Variants in CCDC175 observed in about 807,000 individuals in gnomAD.
The protein encoded by CCDC175 is coiled-coil domain containing 175, also known as coiled-coil domain-containing protein 175.
Under a neutral mutation model 114.6 loss-of-function variants are expected in CCDC175, and 100 were observed. The observed-to-expected ratio is 0.87, with a 90% CI of 0.74 to 1.03. The LOEUF (loss-of-function observed/expected upper bound fraction) is 1.03, where lower values mean the gene tolerates loss of function less well. Ranked by LOEUF, CCDC175 falls within the 50% of genes least tolerant of loss-of-function variation. The probability of loss-of-function intolerance (pLI) is 0.00; values close to 1 mark genes in which losing one functional copy is unlikely to be tolerated. For missense variants in CCDC175, 880 were observed against 917.8 expected (o/e 0.96, Z 0.53); for synonymous variants, 306 against 308.7 (o/e 0.99, Z 0.09).
In CCDC175 at chr14:59,553,138, G is replaced by C. The variant is rs538561620; in HGVS notation, c.954-1702C>G. Among the ~76,000 whole-genome samples the C allele has an allele frequency of 4.0e-3, 605 of 152,214 alleles. 2 individuals are homozygous for C. The highest frequency in any genetic ancestry group is 0.014 in the African/African-American group (566 of 41,530). ...ACGCCACAAAGATACTCCTCCAGAA[G>C]AGCAACTCCAAGACACATAATTGTC... On this transcript the variant is annotated intron_variant, in intron 7 of 19. Coordinates refer to ENST00000537690, the MANE Select transcript of CCDC175 (RefSeq NM_001164399.2).
intron 8 of CCDC175, among the ~76,000 whole-genome samples, chr14:59,549,331 T>A (rs1313069268): frequency 6.6e-6 from 1 of 152,074 alleles, no homozygotes; most frequent in Non-Finnish European, 1.5e-5. Context: ...CGAGGCAACA[T>A]AAAGCGACCT....
At chr14:59,523,059 T>TA (rs1391049810) in intron 16 of CCDC175, among the ~76,000 whole-genome samples, 9 of 152,086 alleles carry the variant, frequency 5.9e-5, no homozygotes, top group South Asian at 4.2e-4. Flanking sequence ...ACACTGAATT[T>TA]AAAAAAAACA....
chr14:59,537,017 G>A (rs1306308797), intron 13 of CCDC175, among the ~76,000 whole-genome samples: 8 of 152,054 alleles, frequency 5.3e-5, no homozygotes, highest in Non-Finnish European at 1.0e-4. Flanking sequence ...TCCTGACATC[G>A]TGATCCACCT....
At chr14:59,538,195 T>C in intron 12 of CCDC175, 41 bp from the exon 13 acceptor site, 1 of 1,490,324 alleles carries the variant, frequency 6.7e-7, no homozygotes, top group Non-Finnish European at 8.9e-7. Flanking sequence ...TCTCTTGTAG[T>C]GATCAGCCTT....
intron 14 of CCDC175, 68 bp downstream of exon 14, chr14:59,531,704 T>C (rs1894083730): frequency 2.1e-5 from 24 of 1,141,080 alleles, no homozygotes; most frequent in South Asian, 1.1e-4. Context: ...ATGACCTCCT[T>C]GTGTTAGAAG....
In CCDC175 at chr14:59,525,310, A is replaced by G. The variant is rs1893678003; in HGVS notation, c.1967T>C (p.Leu656Pro). ...FYINDQKADL[L>P]LLENKKLKEY... ...TTTTAATTTTTTATTTTCCAGGAGC[A>G]GAAGATCTGCTTTTTGGTCATTTAT... is the stretch of plus-strand genomic sequence containing the variant. The change falls in exon 16 of 20, where the codon CTG becomes CCG. Residue 656 changes from leucine (L) to proline (P), a missense_variant. Physicochemically the swap from Leu to Pro is moderately conservative, Grantham distance 98. Coordinates refer to ENST00000537690, the MANE Select transcript of CCDC175 (RefSeq NM_001164399.2). 1 of 1,461,104 alleles carries G rather than the reference A, an allele frequency of 6.8e-7. No individual in the cohort carries two copies. Among genetic ancestry groups the G allele is most frequent in the African/African-American group, 1.5e-5 (1 of 68,232 alleles). 90.5% of individuals were successfully genotyped at this position (1,461,104 alleles called of 1,614,324 possible). A position where few individuals can be genotyped will look rare whatever the true frequency, so the allele number is the denominator to read the frequency against.
At chr14:59,552,679 G>A (rs1895600535) in intron 7 of CCDC175, among the ~76,000 whole-genome samples, 1 of 152,172 alleles carries the variant, frequency 6.6e-6, no homozygotes, top group African/African-American at 2.4e-5. Flanking sequence ...AGCTAAAGGA[G>A]GAAATTCGAA....
At chr14:59,540,945 C>A (rs139174449) in intron 10 of CCDC175, among the ~76,000 whole-genome samples, 199 bp from the exon 11 acceptor site, 2 of 152,064 alleles carry the variant, frequency 1.3e-5, no homozygotes, top group Non-Finnish European at 2.9e-5. Flanking sequence ...GATTCTGCAA[C>A]GGTTGTGGTG....
intron 8 of CCDC175, among the ~76,000 whole-genome samples, chr14:59,547,009 G>T (rs1895151926): frequency 6.6e-6 from 1 of 152,140 alleles, no homozygotes; most frequent in Admixed American, 6.5e-5. Context: ...AGAGGCGGAG[G>T]TGGGAGGATC....
intron 7 of CCDC175, among the ~76,000 whole-genome samples, chr14:59,552,882 GAATGA>G (rs988256069): frequency 2.0e-5 from 3 of 152,074 alleles, no homozygotes; most frequent in African/African-American, 7.2e-5. Flanking sequence ...GAAATCAAAT[GAATGA>G]AATGAAGCGA....
At chr14:59,527,048 C>T (rs781294261) in intron 15 of CCDC175, 47 bp downstream of exon 15, 2 of 1,048,020 alleles carry the variant, frequency 1.9e-6, no homozygotes, top group Non-Finnish European at 2.7e-6. Context: ...GTATATACCA[C>T]TATTCTAATA....
Position 59,560,642 on chromosome 14 carries a change from T to G in CCDC175, c.953+477A>C, listed in dbSNP as rs148847220. On this transcript the variant is annotated intron_variant, in intron 7 of 19. Coordinates refer to ENST00000537690, the MANE Select transcript of CCDC175 (RefSeq NM_001164399.2). ...ATGAAGCACAGACTGAGGCTTTGGA[T>G]GGATGGAAGACCTCCTTCAGTTTCT... Among the ~76,000 whole-genome samples the G allele has an allele frequency of 1.0e-3, 152 of 152,310 alleles. 1 individual carries two copies. The highest frequency in any genetic ancestry group is 3.7e-3 in the African/African-American group (152 of 41,580).
At chr14:59,510,988 T>C (rs1594972675) in intron 18 of CCDC175, among the ~76,000 whole-genome samples, 180 bp from the exon 19 acceptor site, 2 of 152,186 alleles carry the variant, frequency 1.3e-5, no homozygotes, top group South Asian at 4.1e-4. Context: ...CTTGGAAAAA[T>C]GGATTATGAA....
intron 13 of CCDC175, among the ~76,000 whole-genome samples, chr14:59,537,820 TA>T (rs1894498327): frequency 6.6e-6 from 1 of 152,196 alleles, no homozygotes. Flanking sequence ...GTGTGATTAT[TA>T]TTATTATTTT....
intron 19 of CCDC175, among the ~76,000 whole-genome samples, chr14:59,508,621 G>A (rs1260691453): frequency 2.0e-5 from 3 of 150,736 alleles, no homozygotes. Flanking sequence ...GCTATGGTCT[G>A]AGAGTTTGTG....
intron 12 of CCDC175, 41 bp downstream of exon 12, chr14:59,538,664 C>A: frequency 6.9e-7 from 1 of 1,445,100 alleles, no homozygotes; most frequent in Non-Finnish European, 9.2e-7. Context: ...TGCTGATATG[C>A]AATGTAGGGG....
At chr14:59,574,805 G>A (rs1489584860) in intron 2 of CCDC175, 138 bp downstream of exon 2, 2 of 517,070 alleles carry the variant, frequency 3.9e-6, no homozygotes, top group Non-Finnish European at 6.7e-6. Context: ...ACAAAATTGA[G>A]AGAAAAATAT....
Position 59,528,170 on chromosome 14 carries a change from T to C in CCDC175, c.1763-996A>G, listed in dbSNP as rs576330983. Among the ~76,000 whole-genome samples the C allele has an allele frequency of 1.4e-4, 21 of 152,214 alleles. No individual in the cohort carries two copies. The East Asian group carries it at 3.9e-3, about 28-fold the overall frequency. On this transcript the variant is annotated intron_variant, in intron 14 of 19. Coordinates refer to ENST00000537690, the MANE Select transcript of CCDC175 (RefSeq NM_001164399.2). ...ATTTTCTCTCAAATTTTGAAGGCAT[T>C]GTCTTATAACTTCTACTATAATATT...
At chr14:59,551,848 C>A (rs1170088699) in intron 7 of CCDC175, among the ~76,000 whole-genome samples, 1 of 152,238 alleles carries the variant, frequency 6.6e-6, no homozygotes, top group African/African-American at 2.4e-5. Context: ...GAGGATCCCA[C>A]GCCCATGGAG....
Sources: allele counts gnomAD v4.1 joint callset (sites outside exome capture counted in the v4.1 genomes callset), GRCh38; gene constraint gnomAD v4.1.1; transcripts MANE v1.5; gene names NCBI Gene and HGNC (gene_info 2026-07-23, HGNC 2026-07-21).